Variants in ATP2A3 observed in about 807,000 individuals in gnomAD.
The protein encoded by ATP2A3 is ATPase sarcoplasmic/endoplasmic reticulum Ca2+ transporting 3.
Under a neutral mutation model 106.8 loss-of-function variants are expected in ATP2A3, and 61 were observed. The observed-to-expected ratio is 0.57, with a 90% CI of 0.46 to 0.71. The LOEUF is 0.71. Ranked by LOEUF, ATP2A3 falls within the 30% of genes least tolerant of loss-of-function variation. ATP2A3 has a pLI of 0.00. For missense variants in ATP2A3, 1,201 were observed against 1,423.5 expected (o/e 0.84, Z 2.52); for synonymous variants, 611 against 609.3 (o/e 1.00, Z -0.04).
chr17:3,936,410 C>A lies in ATP2A3; in HGVS notation c.2381G>T (p.Trp794Leu). The A allele has an allele frequency of 1.2e-6, 2 of 1,614,074 alleles. No homozygotes were observed. The highest frequency in any genetic ancestry group is 1.7e-6 in the Non-Finnish European group (2 of 1,180,016). Residue 794 changes from tryptophan to leucine, a missense_variant, in exon 16 of 21, where the codon TGG (tryptophan) becomes TTG (leucine). By Grantham distance (61) the Trp-to-Leu change is moderately conservative. Around this residue, in one of 2 missense-constraint regions of ATP2A3, gnomAD observed 935 missense variants for 1,176.7 expected, o/e 0.79. Transcript: ENST00000397041. This position sits in a 1 kb window ranked among gnomAD's most constrained non-coding sequence, Gnocchi z 5.4. Reference sequence around the variant, plus strand: ...TAGGCCGTCTGTCACCAGGTTCACCCAGAGCAGCTGCACAGGGATCAGGGC... The same window carrying A: ...TAGGCCGTCTGTCACCAGGTTCACCAAGAGCAGCTGCACAGGGATCAGGGC... ...PEALIPVQLL[W>L]VNLVTDGLPA...
At chr17:3,931,085 A>G (rs953014501) in intron 17 of ATP2A3, among the ~76,000 whole-genome samples, 7 of 151,824 alleles carry the variant, frequency 4.6e-5, no homozygotes, top group African/African-American at 1.5e-4. Context: ...GGTTGTAGTG[A>G]GCAGAGATCG....
At chr17:3,964,105 A>G in intron 1 of ATP2A3, 69 bp downstream of exon 1, 1 of 842,148 alleles carries the variant, frequency 1.2e-6, no homozygotes, top group Non-Finnish European at 1.5e-6. Flanking sequence ...GTGGGGAGGC[A>G]GGAGGGGAAA....
rs1030797881 is a variant in ATP2A3, at chr17:3,936,427, G to A, written c.2364C>T (p.Ile788=). Residue 788 remains isoleucine, a synonymous_variant, in exon 16 of 21, where the codon ATC becomes ATT. Transcript: ENST00000397041. This position sits in a 1 kb window ranked among gnomAD's most constrained non-coding sequence, Gnocchi z 5.4. ...TAILGLPEAL[I]PVQLLWVNLV... ...GGTTCACCCAGAGCAGCTGCACAGG[G>A]ATCAGGGCTTCGGGCAGGCCCAGAA... The A allele has an allele frequency of 6.2e-7, 1 of 1,614,140 alleles. No homozygotes were observed. Among genetic ancestry groups the A allele is most frequent in the South Asian group, 1.1e-5 (1 of 91,084 alleles).
chr17:3,928,580 C>T lies in ATP2A3; in HGVS notation c.2980+83G>A. 1.6e-6 allele frequency: 2 copies of T among 1,271,938 alleles called. No homozygotes were observed. The highest frequency in any genetic ancestry group is 2.6e-5 in the South Asian group (2 of 78,020). The allele number at this position is 1,271,938 out of a possible 1,614,324, so 78.8% of individuals were successfully genotyped here. The stretch of plus-strand genomic sequence containing the variant: ...TGTGCAGACAGAGAGGCTCTGCGCT[C>T]CACACCCACAGCGTCCACTGCAGCC... On this transcript the variant is annotated intron_variant, in intron 20 of 20. Coordinates refer to ENST00000397041, the MANE Select transcript of ATP2A3 (RefSeq NM_005173.4). The surrounding 1 kb of genome is among the most constrained non-coding windows in gnomAD (Gnocchi z 6.1).
At chr17:3,950,397 C>G (rs1037179293) in intron 7 of ATP2A3, 114 bp downstream of exon 7, 2 of 1,090,336 alleles carry the variant, frequency 1.8e-6, no homozygotes, top group African/African-American at 3.1e-5. Context: ...CTCCTGACCT[C>G]AGGTGATCCA....
At chr17:3,951,543 A>ACCCCCCCCCCCCCCCCCCCCCCCCC in intron 4 of ATP2A3, 38 bp downstream of exon 4, 2 of 1,387,006 alleles carry the variant, frequency 1.4e-6, no homozygotes, top group Non-Finnish European at 2.0e-6. Context: ...TGGCTGGGAG[A>ACCCCCCCCCCCCCCCCCCCCCCCCC]CCGCCCCCCG....
intron 14 of ATP2A3, among the ~76,000 whole-genome samples, chr17:3,939,220 A>G (rs1167051417): frequency 1.3e-5 from 2 of 152,132 alleles, no homozygotes. Context: ...GGTCAGGGAC[A>G]AAGTCAGCAC....
chr17:3,958,537 G>A (rs2054914566), intron 1 of ATP2A3, among the ~76,000 whole-genome samples: 1 of 151,952 alleles, frequency 6.6e-6, no homozygotes, highest in Non-Finnish European at 1.5e-5. Flanking sequence ...CTAGGATCAT[G>A]TCTGTATCCC....
Position 3,923,959 on chromosome 17 carries a change from C to T in ATP2A3, c.*1463G>A, listed in dbSNP as rs1351031239. On this transcript the variant is annotated 3_prime_UTR_variant, in exon 21 of 21. Transcript: ENST00000397041. Reference sequence around the variant, plus strand: ...GCCCGCTCCTGCTAAGACCTCCCCACCTCCCCCCAGGAAAGAAGCAGAGAA... The same window carrying T: ...GCCCGCTCCTGCTAAGACCTCCCCATCTCCCCCCAGGAAAGAAGCAGAGAA... 1.3e-5 allele frequency: 2 copies of T among 152,280 alleles called. No homozygotes were observed. The highest frequency in any genetic ancestry group is 4.8e-5 in the African/African-American group (2 of 41,450). 9.4% of individuals were successfully genotyped at this position (152,280 alleles called of 1,614,324 possible). A position where few individuals can be genotyped will look rare whatever the true frequency, so the allele number is the denominator to read the frequency against.
Position 3,930,587 on chromosome 17 carries a change from G to T in ATP2A3, c.2611-153C>A. Reference sequence around the variant, plus strand: ...GGGTGGGCTGGGGATCCCGGGAGGGGTGCGGGGTCGGGGCGGCGGTGGGGA... The same window carrying T: ...GGGTGGGCTGGGGATCCCGGGAGGGTTGCGGGGTCGGGGCGGCGGTGGGGA... On this transcript the variant is annotated intron_variant, in intron 17 of 20. Coordinates refer to ENST00000397041, the MANE Select transcript of ATP2A3 (RefSeq NM_005173.4). This position sits in a 1 kb window ranked among gnomAD's most constrained non-coding sequence, Gnocchi z 5.4. The T allele has an allele frequency of 9.0e-7, 1 of 1,106,406 alleles. No homozygotes were observed. Among genetic ancestry groups the T allele is most frequent in the Non-Finnish European group, 1.3e-6 (1 of 767,096 alleles). 68.5% of individuals were successfully genotyped at this position (1,106,406 alleles called of 1,614,324 possible). A position where few individuals can be genotyped will look rare whatever the true frequency, so the allele number is the denominator to read the frequency against.
At position 3,947,540 on chromosome 17, in the gene ATP2A3, T is replaced by A. The variant is rs760674410; in HGVS notation, c.946A>T (p.Thr316Ser). The change falls in exon 8 of 21, where the codon ACT (threonine) becomes TCT (serine). Residue 316 changes from threonine (T) to serine (S), a missense_variant. Thr to Ser is a moderately conservative substitution (Grantham distance 58). Around this residue, in one of 2 missense-constraint regions of ATP2A3, gnomAD observed 935 missense variants for 1,176.7 expected, o/e 0.79. Coordinates refer to ENST00000397041, the MANE Select transcript of ATP2A3 (RefSeq NM_005173.4). This position sits in a 1 kb window ranked among gnomAD's most constrained non-coding sequence, Gnocchi z 7.7. ...AIPEGLPAVI[T>S]TCLALGTRRM... ...CGCGTGCCCAGTGCCAGGCATGTAGTGATGACAGCCGGGAGGCCCTCGGGG... is the reference window on the plus strand; with the variant it reads ...CGCGTGCCCAGTGCCAGGCATGTAGAGATGACAGCCGGGAGGCCCTCGGGG... 64 of 1,613,198 alleles carry A rather than the reference T, an allele frequency of 4.0e-5. 1 individual carries two copies. The South Asian group carries it at 6.7e-4, about 17-fold the overall frequency.
chr17:3,930,555 T>C lies in ATP2A3; in HGVS notation c.2611-121A>G. The C allele has an allele frequency of 1.0e-6, 1 of 984,464 alleles. No homozygotes were observed. The highest frequency in any genetic ancestry group is 1.4e-6 in the Non-Finnish European group (1 of 707,890). The allele number at this position is 984,464 out of a possible 1,614,324, so 61.0% of individuals were successfully genotyped here. On this transcript the variant is annotated intron_variant, in intron 17 of 20. Transcript: ENST00000397041. This position sits in a 1 kb window ranked among gnomAD's most constrained non-coding sequence, Gnocchi z 5.4. ...TGGGCACAACCAGCACACAAAACAC[T>C]GCCGTGGGGTGGGCTGGGGATCCCG...
chr17:3,943,271 C>CAAAA, intron 11 of ATP2A3, 120 bp downstream of exon 11: 12 of 1,306,172 alleles, frequency 9.2e-6, no homozygotes, highest in South Asian at 2.6e-5. Flanking sequence ...GACTCCGTCT[C>CAAAA]AAAAAAAAAA....
chr17:3,945,014 C>A, intron 9 of ATP2A3, 46 bp downstream of exon 9: 1 of 1,454,892 alleles, frequency 6.9e-7, no homozygotes. Flanking sequence ...ACGCGTGGCC[C>A]CGCCCCCAGG....
chr17:3,937,266 C>G, intron 15 of ATP2A3, 150 bp downstream of exon 15: 1 of 887,688 alleles, frequency 1.1e-6, no homozygotes, highest in Admixed American at 2.0e-5. Flanking sequence ...TCTCCCCTGT[C>G]CACTCCAAGG....
In ATP2A3 at chr17:3,928,574, T is replaced by G; in HGVS notation, c.2980+89A>C. On this transcript the variant is annotated intron_variant, in intron 20 of 20. Coordinates refer to ENST00000397041, the MANE Select transcript of ATP2A3 (RefSeq NM_005173.4). The surrounding 1 kb of genome is among the most constrained non-coding windows in gnomAD (Gnocchi z 6.1). ...CCCCGATGTGCAGACAGAGAGGCTC[T>G]GCGCTCCACACCCACAGCGTCCACT... is the stretch of plus-strand genomic sequence containing the variant. 8.1e-7 allele frequency: 1 copy of G among 1,227,770 alleles called. No homozygotes were observed. The highest frequency in any genetic ancestry group is 1.2e-6 in the Non-Finnish European group (1 of 854,856). 76.1% of individuals were successfully genotyped at this position (1,227,770 alleles called of 1,614,324 possible).
chr17:3,927,390 G>T, intron 20 of ATP2A3: 1 of 985,494 alleles, frequency 1.0e-6, no homozygotes, highest in Non-Finnish European at 1.2e-6. Context: ...TCCCGAGGAA[G>T]ACAAGCCACC....
chr17:3,957,340 G>T (rs914069025), intron 1 of ATP2A3, among the ~76,000 whole-genome samples: 1 of 152,180 alleles, frequency 6.6e-6, no homozygotes, highest in African/African-American at 2.4e-5. Context: ...CCCCTGCTGT[G>T]GGCCTCCGAT....
chr17:3,955,408 A>G lies in ATP2A3; in HGVS notation c.119-1698T>C, dbSNP rs1209590686. On this transcript the variant is annotated intron_variant, in intron 1 of 20. Transcript: ENST00000397041. This position sits in a 1 kb window ranked among gnomAD's most constrained non-coding sequence, Gnocchi z 4.2. ...CAGGAGGGAAATATATAGCCTAAAA[A>G]TACACTTTCTAGCATTTTCTCCAAA... 1.3e-5 allele frequency among the ~76,000 whole-genome samples: 2 copies of G among 152,170 alleles called. No individual in the cohort carries two copies. Among genetic ancestry groups the G allele is most frequent in the Non-Finnish European group, 2.9e-5 (2 of 68,036 alleles).
Sources: allele counts gnomAD v4.1 joint callset (sites outside exome capture counted in the v4.1 genomes callset), GRCh38; gene constraint gnomAD v4.1.1; regional missense constraint gnomAD v4.1.1; non-coding constraint Gnocchi (gnomAD v3.1); transcripts MANE v1.5; gene names NCBI Gene and HGNC (gene_info 2026-07-23, HGNC 2026-07-21).